VWC2L: variants seen among roughly 807,000 people sequenced by gnomAD.
VWC2L encodes von Willebrand factor C domain-containing protein 2-like.
In VWC2L, 10 loss-of-function variants were observed where a neutral mutation model predicts 21.6. The ratio of observed to expected loss-of-function variants is 0.46; its 90% CI spans 0.29 to 0.78. The LOEUF (loss-of-function observed/expected upper bound fraction) is 0.78, where lower values mean the gene tolerates loss of function less well. Among genes scored for constraint, VWC2L ranks in the 30% least tolerant of loss-of-function variants. VWC2L has a pLI of 0.10. For synonymous variants in VWC2L, 96 were observed against 94.3 expected, an observed-to-expected ratio of 1.02 and a Z score of -0.10; for missense variants, 209 against 277.1, an observed-to-expected ratio of 0.75 and a Z score of 1.74.
intron 3 of VWC2L, chr2:214,525,300 G>A (rs1303977790): frequency 1.3e-5 from 2 of 152,028 alleles, no homozygotes; most frequent in Non-Finnish European, 1.5e-5. Context: ...GTACATGTGT[G>A]CAAACAGACA....
intron 3 of VWC2L, among the ~76,000 whole-genome samples, chr2:214,512,356 G>A (rs924120973): frequency 1.3e-5 from 2 of 152,078 alleles, no homozygotes; most frequent in Non-Finnish European, 2.9e-5. Flanking sequence ...AAAATGATGA[G>A]AATACATGGA....
At chr2:214,453,201 T>C (rs1484236224) in intron 3 of VWC2L, among the ~76,000 whole-genome samples, 2 of 152,224 alleles carry the variant, frequency 1.3e-5, no homozygotes, top group Admixed American at 6.5e-5. Flanking sequence ...TATTTTAGTT[T>C]CAGGTTTTCA....
rs373067036 is a variant in VWC2L, at chr2:214,565,473, C to T, written c.521-10199C>T. ...AAACAGACTAATATACCTCCCCTGA[C>T]CCTACCTAATGATGTGCTGTCTATT... On this transcript the variant is annotated intron_variant, in intron 3 of 3. Coordinates refer to ENST00000312504, the MANE Select transcript of VWC2L (RefSeq NM_001080500.4). Among the ~76,000 whole-genome samples the T allele has an allele frequency of 9.2e-5, 14 of 152,286 alleles. 1 individual carries two copies. The East Asian group carries it at 2.5e-3, about 27-fold the overall frequency.
intron 3 of VWC2L, among the ~76,000 whole-genome samples, chr2:214,497,464 C>T (rs371201676): frequency 6.6e-6 from 1 of 152,170 alleles, no homozygotes. Context: ...GAGCCATGAT[C>T]CTTCTTCATA....
chr2:214,498,135 G>T (rs1158759926), intron 3 of VWC2L, among the ~76,000 whole-genome samples: 2 of 152,114 alleles, frequency 1.3e-5, no homozygotes, highest in African/African-American at 4.8e-5. Context: ...AAGCACCTAG[G>T]AGATGTTTAT....
At chr2:214,554,902 C>G (rs1009153636) in intron 3 of VWC2L, among the ~76,000 whole-genome samples, 3 of 152,120 alleles carry the variant, frequency 2.0e-5, no homozygotes, top group African/African-American at 7.2e-5. Flanking sequence ...AAAATTGCCT[C>G]TTGTGGGGAA....
At chr2:214,458,767 T>C (rs760027176) in intron 3 of VWC2L, among the ~76,000 whole-genome samples, 3 of 152,194 alleles carry the variant, frequency 2.0e-5, no homozygotes, top group Non-Finnish European at 2.9e-5. Context: ...TTTATTTCAT[T>C]GTGGTCTGAG....
intron 3 of VWC2L, among the ~76,000 whole-genome samples, chr2:214,479,138 T>A (rs1009161959): frequency 1.3e-5 from 2 of 152,174 alleles, no homozygotes; most frequent in African/African-American, 2.4e-5. Context: ...GAGAGGTCAC[T>A]CCCTTTGTAA....
intron 3 of VWC2L, among the ~76,000 whole-genome samples, chr2:214,541,674 C>T (rs1021802130): frequency 5.3e-5 from 8 of 152,214 alleles, no homozygotes; most frequent in African/African-American, 1.2e-4. Flanking sequence ...TCAACCCCAA[C>T]GAACCATGGT....
chr2:214,487,997 T>C (rs537463266), intron 3 of VWC2L, among the ~76,000 whole-genome samples: 3 of 152,220 alleles, frequency 2.0e-5, no homozygotes, highest in African/African-American at 7.2e-5. Context: ...CAGCAAAACT[T>C]ATCTCCTCCA....
At chr2:214,519,227 C>T (rs1348174837) in intron 3 of VWC2L, among the ~76,000 whole-genome samples, 1 of 152,014 alleles carries the variant, frequency 6.6e-6, no homozygotes, top group Non-Finnish European at 1.5e-5. Context: ...TTTAGAATTC[C>T]CACTTCTTAC....
chr2:214,493,091 A>G (rs751502380), intron 3 of VWC2L, among the ~76,000 whole-genome samples: 1 of 152,232 alleles, frequency 6.6e-6, no homozygotes, highest in Non-Finnish European at 1.5e-5. Context: ...ACACCTGCAT[A>G]TGTGAATCTG....
chr2:214,428,748 A>G (rs1338871551), intron 2 of VWC2L, among the ~76,000 whole-genome samples: 4 of 151,662 alleles, frequency 2.6e-5, no homozygotes, highest in Non-Finnish European at 5.9e-5. Flanking sequence ...TCAAAGTATG[A>G]CATCAGCAAA....
chr2:214,541,806 A>G (rs1194287191), intron 3 of VWC2L, among the ~76,000 whole-genome samples: 1 of 152,180 alleles, frequency 6.6e-6, no homozygotes, highest in African/African-American at 2.4e-5. Context: ...CAGATAATGC[A>G]TTTACACTAG....
chr2:214,419,300 CATATA>C, intron 2 of VWC2L, among the ~76,000 whole-genome samples: 1 of 152,060 alleles, frequency 6.6e-6, no homozygotes. Context: ...AGAAATAAAG[CATATA>C]AATAATACAT....
chr2:214,511,452 G>GT (rs1181716972), intron 3 of VWC2L, among the ~76,000 whole-genome samples: 1 of 151,858 alleles, frequency 6.6e-6, no homozygotes, highest in Non-Finnish European at 1.5e-5. Context: ...CCCTAATGCC[G>GT]TAAGACTGTG....
rs889162186 is a variant in VWC2L at position 214,562,059 on chromosome 2, A to G, written c.521-13613A>G. On this transcript the variant is annotated intron_variant, in intron 3 of 3. Coordinates refer to ENST00000312504, the MANE Select transcript of VWC2L (RefSeq NM_001080500.4). ...ATGCAGGTTTGTTACATAGGTAAAC[A>G]TATGCCATAATGATTTGCTGCACCT... Among the ~76,000 whole-genome samples, 3 of 152,104 alleles carry G rather than the reference A, an allele frequency of 2.0e-5. No homozygotes were observed. In the East Asian group the frequency reaches 5.8e-4, roughly 29 times the overall value.
At position 214,411,570 on chromosome 2, in the gene VWC2L, T is replaced by C. The variant is rs960549413; in HGVS notation, c.-297T>C. ...AGACAGGTCCAAAGCAAATTTCTTA[T>C]ATGTGTCTGCTGTGTTTCTTTCTGG... On this transcript the variant is annotated 5_prime_UTR_variant, in exon 1 of 4. Transcript: ENST00000312504. The C allele has an allele frequency of 2.6e-5, 4 of 152,254 alleles. No individual in the cohort carries two copies. In the East Asian group the frequency reaches 7.7e-4, roughly 29 times the overall value. 9.4% of individuals were successfully genotyped at this position (152,254 alleles called of 1,614,324 possible).
intron 2 of VWC2L, among the ~76,000 whole-genome samples, chr2:214,424,109 AT>A (rs1335891754): frequency 1.3e-5 from 2 of 152,154 alleles, no homozygotes; most frequent in Admixed American, 6.5e-5. Flanking sequence ...TCCATCTTAA[AT>A]TCCAATTTAC....
Sources: allele counts gnomAD v4.1 joint callset (sites outside exome capture counted in the v4.1 genomes callset), GRCh38; gene constraint gnomAD v4.1.1; transcripts MANE v1.5; gene names NCBI Gene and HGNC (gene_info 2026-07-23, HGNC 2026-07-21).